CACNB2: variants seen among roughly 807,000 people sequenced by gnomAD.
CACNB2 encodes voltage-dependent L-type calcium channel subunit beta-2.
Under a neutral mutation model 73.3 loss-of-function variants are expected in CACNB2, and 42 were observed. The observed-to-expected ratio is 0.57, with a 90% CI of 0.45 to 0.74. The LOEUF (loss-of-function observed/expected upper bound fraction) is 0.74. Among genes scored for constraint, CACNB2 ranks in the 30% least tolerant of loss-of-function variants. CACNB2 has a pLI of 0.00. For synonymous variants in CACNB2, 348 were observed against 310.3 expected (o/e 1.12, Z -1.28); for missense variants, 940 against 853.0 (o/e 1.10, Z -1.27).
intron 2 of CACNB2, among the ~76,000 whole-genome samples, chr10:18,331,131 G>A (rs987745845): frequency 2.2e-4 from 33 of 151,856 alleles, no homozygotes; most frequent in African/African-American, 4.3e-4. Flanking sequence ...GACTACAGGC[G>A]TGCGCCACCA....
intron 6 of CACNB2, among the ~76,000 whole-genome samples, 156 bp from the exon 7 acceptor site, chr10:18,514,080 T>C (rs2051037499): frequency 7.5e-6 from 1 of 132,686 alleles, no homozygotes; most frequent in Non-Finnish European, 1.6e-5. Flanking sequence ...GCATTCTTAA[T>C]GTGCCTTACC....
intron 2 of CACNB2, among the ~76,000 whole-genome samples, chr10:18,382,343 T>C (rs2043053827): frequency 6.6e-6 from 1 of 151,496 alleles, no homozygotes; most frequent in Non-Finnish European, 1.5e-5. Flanking sequence ...TATTGAGTAT[T>C]CTTCGGTGAG....
intron 2 of CACNB2, among the ~76,000 whole-genome samples, chr10:18,173,911 G>A (rs1279497479): frequency 6.6e-6 from 1 of 152,156 alleles, no homozygotes; most frequent in African/African-American, 2.4e-5. Flanking sequence ...AAATTAGTAA[G>A]TTCAGGGAAA....
intron 2 of CACNB2, among the ~76,000 whole-genome samples, chr10:18,316,400 A>C (rs1457233018): frequency 1.3e-5 from 2 of 152,060 alleles, no homozygotes; most frequent in Non-Finnish European, 2.9e-5. Flanking sequence ...TATTATCTCA[A>C]ATTATCTCTG....
chr10:18,201,071 C>G (rs1007131743), intron 2 of CACNB2, among the ~76,000 whole-genome samples: 25 of 152,120 alleles, frequency 1.6e-4, no homozygotes, highest in African/African-American at 5.8e-4. Flanking sequence ...TTTAATGCCC[C>G]TCTAGGAGAG....
chr10:18,519,014 T>C (rs751031436), intron 9 of CACNB2, 46 bp downstream of exon 9: 12 of 1,538,612 alleles, frequency 7.8e-6, no homozygotes, highest in Admixed American at 1.7e-5. Flanking sequence ...GTCTTAAAGA[T>C]GGCAAAACGC....
intron 2 of CACNB2, among the ~76,000 whole-genome samples, chr10:18,266,715 C>T (rs2037819753): frequency 6.6e-6 from 1 of 152,078 alleles, no homozygotes; most frequent in Non-Finnish European, 1.5e-5. Flanking sequence ...AGGGTGAAAC[C>T]TCGTCTCTAC....
chr10:18,493,032 C>G (rs1191396617), intron 3 of CACNB2, among the ~76,000 whole-genome samples: 1 of 152,086 alleles, frequency 6.6e-6, no homozygotes, highest in African/African-American at 2.4e-5. Context: ...AAAAAAATTA[C>G]AACAATAAGA....
At chr10:18,357,907 C>T (rs959125536) in intron 2 of CACNB2, among the ~76,000 whole-genome samples, 3 of 152,090 alleles carry the variant, frequency 2.0e-5, no homozygotes, top group Non-Finnish European at 2.9e-5. Context: ...TTAGTTTAGA[C>T]GATAAACTCC....
intron 2 of CACNB2, among the ~76,000 whole-genome samples, chr10:18,220,246 GA>G (rs1564354125): frequency 1.1e-4 from 11 of 104,542 alleles, no homozygotes; most frequent in African/African-American, 4.5e-4. Context: ...GAGAGAGAGA[GA>G]GAGAGAGAGA....
intron 3 of CACNB2, among the ~76,000 whole-genome samples, chr10:18,489,078 C>T (rs2049251874): frequency 6.6e-6 from 1 of 151,942 alleles, no homozygotes; most frequent in South Asian, 2.1e-4. Flanking sequence ...CTTTGGGAGG[C>T]CGAGGTGGGC....
chr10:18,489,803 A>G (rs1297585810), intron 3 of CACNB2, among the ~76,000 whole-genome samples: 1 of 152,230 alleles, frequency 6.6e-6, no homozygotes, highest in African/African-American at 2.4e-5. Flanking sequence ...CTTATCACTT[A>G]CACATTCCCT....
chr10:18,441,610 T>C (rs2132946939), intron 3 of CACNB2, among the ~76,000 whole-genome samples: 1 of 152,230 alleles, frequency 6.6e-6, no homozygotes, highest in South Asian at 2.1e-4. Flanking sequence ...ACATAGTGTG[T>C]GTGGTTTTCT....
chr10:18,411,694 G>A (rs1050866060), intron 3 of CACNB2, among the ~76,000 whole-genome samples: 7 of 152,076 alleles, frequency 4.6e-5, no homozygotes, highest in Non-Finnish European at 1.0e-4. Context: ...TTTAAGTAGA[G>A]ATGGGGTTTT....
chr10:18,438,949 G>A (rs929577698), intron 3 of CACNB2, among the ~76,000 whole-genome samples: 14 of 152,236 alleles, frequency 9.2e-5, no homozygotes, highest in South Asian at 2.1e-4. Flanking sequence ...GGCAGGGCAC[G>A]GAATAGAATG....
chr10:18,151,019 A>C (rs556693625), intron 2 of CACNB2, 44 bp downstream of exon 2: 1 of 1,207,350 alleles, frequency 8.3e-7, no homozygotes, highest in Non-Finnish European at 1.2e-6. Flanking sequence ...CCTTAAAATG[A>C]CTTTAGATTT....
chr10:18,479,505 G>A (rs140400701), intron 3 of CACNB2, among the ~76,000 whole-genome samples: 49 of 152,246 alleles, frequency 3.2e-4, no homozygotes, highest in Middle Eastern at 3.4e-3. Flanking sequence ...GATTGTCTGC[G>A]GAGATAGTAC....
At chr10:18,191,010 A>C (rs2034370537) in intron 2 of CACNB2, among the ~76,000 whole-genome samples, 2 of 152,244 alleles carry the variant, frequency 1.3e-5, no homozygotes, top group African/African-American at 2.4e-5. Flanking sequence ...GGAAACGCGC[A>C]AGCTGTGAAT....
intron 2 of CACNB2, among the ~76,000 whole-genome samples, chr10:18,180,641 A>G (rs1039629928): frequency 2.0e-5 from 3 of 152,146 alleles, no homozygotes; most frequent in Admixed American, 2.0e-4. Context: ...GGCACAGAGC[A>G]GATGCTGAGA....
Sources: gnomAD v4.1 joint callset for allele counts (sites outside exome capture counted in the v4.1 genomes callset) on GRCh38, gnomAD v4.1.1 for gene constraint, MANE v1.5 for transcripts, NCBI Gene and HGNC (gene_info 2026-07-23, HGNC 2026-07-21) for gene names.